FLI1: variants seen among roughly 807,000 people sequenced by gnomAD.
FLI1 encodes Friend leukemia integration 1 transcription factor.
Under a neutral mutation model 53.1 loss-of-function variants are expected in FLI1, and 13 were observed. The observed-to-expected ratio is 0.24, with a 90% CI of 0.16 to 0.39. The LOEUF is 0.39. FLI1 is among the 10% of genes least tolerant of loss of function. The pLI is 1.00. For missense variants in FLI1, 424 were observed against 600.5 expected (o/e 0.71, Z 3.07); for synonymous variants, 244 against 236.7 (o/e 1.03, Z -0.28).
intron 1 of FLI1, among the ~76,000 whole-genome samples, chr11:128,695,226 G>A (rs1938006475): frequency 1.3e-5 from 2 of 152,268 alleles, no homozygotes; most frequent in African/African-American, 4.8e-5. Context: ...GAGGGTTTGG[G>A]TTCGCGTCTC....
chr11:128,785,604 A>T lies in FLI1; in HGVS notation c.655+3581A>T, dbSNP rs941939871. Among the ~76,000 whole-genome samples, 4 of 152,236 alleles carry T rather than the reference A, an allele frequency of 2.6e-5. 1 individual carries two copies. Among genetic ancestry groups the T allele is most frequent in the Non-Finnish European group, 2.9e-5 (2 of 68,040 alleles). ...GTTTTGCATTACTTGATTTCTGTCCATGCAGTTTTCCCACTGTCAGCTCCA... is the reference window on the plus strand; with the variant it reads ...GTTTTGCATTACTTGATTTCTGTCCTTGCAGTTTTCCCACTGTCAGCTCCA... On this transcript the variant is annotated intron_variant, in intron 5 of 8. Coordinates refer to ENST00000527786, the MANE Select transcript of FLI1 (RefSeq NM_002017.5).
At chr11:128,743,649 G>T (rs984932016) in intron 1 of FLI1, among the ~76,000 whole-genome samples, 1 of 152,092 alleles carries the variant, frequency 6.6e-6, no homozygotes, top group Admixed American at 6.5e-5. Context: ...TGGCTCTGTT[G>T]GGCAAGGTTG....
chr11:128,774,642 C>T (rs1941678550), intron 4 of FLI1, among the ~76,000 whole-genome samples: 1 of 152,178 alleles, frequency 6.6e-6, no homozygotes, highest in African/African-American at 2.4e-5. Context: ...ACAACAGTAG[C>T]ATAGACAGCA....
chr11:128,776,760 C>A (rs1451177600), intron 4 of FLI1, among the ~76,000 whole-genome samples: 2 of 152,210 alleles, frequency 1.3e-5, no homozygotes, highest in African/African-American at 2.4e-5. Flanking sequence ...GGCATCCAGC[C>A]GATTGAGAGC....
intron 1 of FLI1, among the ~76,000 whole-genome samples, chr11:128,688,079 G>T (rs1008434434): frequency 6.6e-6 from 1 of 152,172 alleles, no homozygotes; most frequent in Non-Finnish European, 1.5e-5. Context: ...CCGGCAAGAG[G>T]AGCTCTCACT....
intron 5 of FLI1, among the ~76,000 whole-genome samples, chr11:128,782,848 G>T (rs1941961861): frequency 6.6e-6 from 1 of 152,196 alleles, no homozygotes; most frequent in Non-Finnish European, 1.5e-5. Flanking sequence ...GAATTCCTCA[G>T]CGTCTTTATG....
At chr11:128,792,697 A>G (rs1942309393) in intron 5 of FLI1, among the ~76,000 whole-genome samples, 1 of 152,194 alleles carries the variant, frequency 6.6e-6, no homozygotes, top group Non-Finnish European at 1.5e-5. Context: ...TTTATAATTT[A>G]TATAATTATA....
upstream of FLI1, chr11:128,686,503 G>C (rs1377530608): frequency 2.2e-6 from 1 of 456,606 alleles, no homozygotes; most frequent in African/African-American, 2.0e-5. Flanking sequence ...CTCCCTCGCC[G>C]GACTAGGCGG....
upstream of FLI1, among the ~76,000 whole-genome samples, chr11:128,690,738 T>C (rs1937705755): frequency 6.6e-6 from 1 of 152,228 alleles, no homozygotes; most frequent in Non-Finnish European, 1.5e-5. Flanking sequence ...AAACATGTGG[T>C]GGGCTGTTTT....
intron 1 of FLI1, among the ~76,000 whole-genome samples, chr11:128,725,397 A>C (rs1210967873): frequency 6.6e-6 from 1 of 152,174 alleles, no homozygotes; most frequent in Non-Finnish European, 1.5e-5. Context: ...TCCACTTCAG[A>C]TCATAACCAA....
In FLI1 at chr11:128,694,145, A is replaced by G; in HGVS notation, c.-114A>G. ...GGGCGCTCGCAGGGGGCACGCAGGG[A>G]GGGCCCAGGGCGCCAGGGAGGCCGC... is the stretch of plus-strand genomic sequence containing the variant. On this transcript the variant is annotated 5_prime_UTR_variant, in exon 1 of 9. Transcript: ENST00000527786. 2 of 1,164,964 alleles carry G rather than the reference A, an allele frequency of 1.7e-6. No homozygotes were observed. Among genetic ancestry groups the G allele is most frequent in the Non-Finnish European group, 2.3e-6 (2 of 855,312 alleles). 72.2% of individuals were successfully genotyped at this position (1,164,964 alleles called of 1,614,324 possible).
chr11:128,769,714 C>T (rs1214150012), intron 3 of FLI1, among the ~76,000 whole-genome samples: 3 of 152,174 alleles, frequency 2.0e-5, no homozygotes, highest in African/African-American at 7.2e-5. Context: ...TCTGACCTAA[C>T]AAAGGAAGAG....
At position 128,807,440 on chromosome 11, in the gene FLI1, G is replaced by A. The variant is rs1478479775; in HGVS notation, c.781+201G>A. 2.0e-5 allele frequency among the ~76,000 whole-genome samples: 3 copies of A among 152,186 alleles called. No individual in the cohort carries two copies. In the East Asian group the frequency reaches 5.8e-4, roughly 29 times the overall value. ...AAGTAGAGACTTGTTAAATATCAAA[G>A]GTGAAAGAACTTGAAGATGAACTAT... On this transcript the variant is annotated intron_variant, in intron 7 of 8. Coordinates refer to ENST00000527786, the MANE Select transcript of FLI1 (RefSeq NM_002017.5).
chr11:128,707,630 A>C (rs1216131709), intron 1 of FLI1, among the ~76,000 whole-genome samples: 1 of 152,076 alleles, frequency 6.6e-6, no homozygotes, highest in Non-Finnish European at 1.5e-5. Context: ...GTGGTAAAGG[A>C]ATTACCATGG....
intron 2 of FLI1, among the ~76,000 whole-genome samples, chr11:128,762,530 T>C (rs1261175736): frequency 6.6e-6 from 1 of 152,254 alleles, no homozygotes; most frequent in Admixed American, 6.5e-5. Flanking sequence ...AAATATCTCA[T>C]TGATTATTTA....
At chr11:128,765,914 T>C (rs1312752761) in intron 2 of FLI1, among the ~76,000 whole-genome samples, 3 of 152,160 alleles carry the variant, frequency 2.0e-5, no homozygotes, top group Non-Finnish European at 4.4e-5. Context: ...TGTGCTTCCA[T>C]GTGGGTGAAG....
chr11:128,715,791 C>T (rs1387744136), intron 1 of FLI1, among the ~76,000 whole-genome samples: 2 of 152,324 alleles, frequency 1.3e-5, no homozygotes, highest in South Asian at 2.1e-4. Context: ...TGATACCCCA[C>T]GAGTCCTGAG....
intron 5 of FLI1, among the ~76,000 whole-genome samples, chr11:128,794,327 G>A (rs1035791037): frequency 3.9e-5 from 6 of 152,348 alleles, no homozygotes; most frequent in African/African-American, 9.6e-5. Context: ...TGTTCCAAAT[G>A]TGTTGGTTCT....
intron 1 of FLI1, among the ~76,000 whole-genome samples, chr11:128,735,540 G>C (rs1591764709): frequency 6.6e-6 from 1 of 152,224 alleles, no homozygotes; most frequent in Non-Finnish European, 1.5e-5. Context: ...GGAGAACTTT[G>C]TGACTGTATG....
Sources: gnomAD v4.1 joint callset for allele counts (sites outside exome capture counted in the v4.1 genomes callset) on GRCh38, gnomAD v4.1.1 for gene constraint, MANE v1.5 for transcripts, NCBI Gene and HGNC (gene_info 2026-07-23, HGNC 2026-07-21) for gene names.